FAF1: variants seen among roughly 807,000 people sequenced by gnomAD.
FAF1 encodes Fas associated factor 1, also known as FAS-associated factor 1.
In FAF1, 25 loss-of-function variants were observed where a neutral mutation model predicts 92.5. That is an observed-to-expected ratio of 0.27 (90% CI 0.20 to 0.38). The LOEUF is 0.38. Ranked by LOEUF, FAF1 falls within the 10% of genes least tolerant of loss-of-function variation. The probability of loss-of-function intolerance (pLI) is 1.00; values close to 1 mark genes in which losing one functional copy is unlikely to be tolerated. For synonymous variants in FAF1, 234 were observed against 273.2 expected (o/e 0.86, Z 1.42); for missense variants, 636 against 793.3 (o/e 0.80, Z 2.38).
chr1:50,590,344 T>C (rs193205851), intron 9 of FAF1, among the ~76,000 whole-genome samples: 1 of 152,206 alleles, frequency 6.6e-6, no homozygotes. Context: ...GTAGCTTTCA[T>C]AGTACAAGTC....
At chr1:50,800,663 A>G (rs956349051) in intron 3 of FAF1, among the ~76,000 whole-genome samples, 1 of 152,148 alleles carries the variant, frequency 6.6e-6, no homozygotes, top group African/African-American at 2.4e-5. Context: ...TATCAAACAA[A>G]TTTTGCTTCC....
chr1:50,745,352 TAG>T (rs1442564752), intron 4 of FAF1, among the ~76,000 whole-genome samples: 1 of 152,034 alleles, frequency 6.6e-6, no homozygotes. Context: ...TAATAATATA[TAG>T]GAGACAATTT....
chr1:50,805,427 G>A (rs887594766), intron 2 of FAF1, among the ~76,000 whole-genome samples: 1 of 152,076 alleles, frequency 6.6e-6, no homozygotes, highest in African/African-American at 2.4e-5. Context: ...GGCATGTAAG[G>A]TATGCATAAA....
At chr1:50,885,909 T>A (rs1644658281) in intron 1 of FAF1, among the ~76,000 whole-genome samples, 5 of 152,194 alleles carry the variant, frequency 3.3e-5, no homozygotes, top group Admixed American at 2.6e-4. Flanking sequence ...TATAACCCAT[T>A]ATCTTAAGCG....
chr1:50,802,026 T>C (rs986564282), intron 2 of FAF1, among the ~76,000 whole-genome samples: 1 of 152,136 alleles, frequency 6.6e-6, no homozygotes, highest in Non-Finnish European at 1.5e-5. Context: ...ATTATTTCCT[T>C]TGTCAAACTC....
chr1:50,577,396 G>A (rs1298476163), intron 12 of FAF1, among the ~76,000 whole-genome samples: 4 of 152,114 alleles, frequency 2.6e-5, no homozygotes, highest in Admixed American at 6.5e-5. Flanking sequence ...GTGGTGGCAC[G>A]CACCTGTAGT....
intron 1 of FAF1, among the ~76,000 whole-genome samples, chr1:50,918,649 A>T (rs1644939391): frequency 1.6e-5 from 1 of 62,870 alleles, no homozygotes; most frequent in Non-Finnish European, 3.1e-5. Context: ...GCCGCAATAA[A>T]CATACGTGTG....
chr1:50,783,867 T>C (rs1661269373), intron 4 of FAF1, among the ~76,000 whole-genome samples: 3 of 152,098 alleles, frequency 2.0e-5, no homozygotes, highest in African/African-American at 7.2e-5. Flanking sequence ...AGAGTGAGAC[T>C]CCATCTCAAA....
At chr1:50,787,944 C>T (rs1304222965) in intron 4 of FAF1, 56 bp downstream of exon 4, 3 of 1,473,060 alleles carry the variant, frequency 2.0e-6, no homozygotes, top group East Asian at 4.5e-5. Context: ...AAAATATAAC[C>T]TGAATGTTTA....
chr1:50,647,784 AG>A (rs1285799432), intron 8 of FAF1, among the ~76,000 whole-genome samples: 1 of 152,178 alleles, frequency 6.6e-6, no homozygotes, highest in Non-Finnish European at 1.5e-5. Flanking sequence ...ATAGACATTA[AG>A]TTGCTTGTGG....
At chr1:50,788,440 A>G (rs1022956586) in intron 3 of FAF1, among the ~76,000 whole-genome samples, 1 of 152,170 alleles carries the variant, frequency 6.6e-6, no homozygotes. Flanking sequence ...GTATCATATC[A>G]TTTAGCATTT....
At chr1:50,724,706 A>C (rs1363612652) in intron 6 of FAF1, among the ~76,000 whole-genome samples, 1 of 152,220 alleles carries the variant, frequency 6.6e-6, no homozygotes, top group African/African-American at 2.4e-5. Flanking sequence ...AAATAGAGCC[A>C]ATTAGAATTA....
At chr1:50,504,651 G>A (rs112430490) in intron 15 of FAF1, among the ~76,000 whole-genome samples, 36 of 152,260 alleles carry the variant, frequency 2.4e-4, no homozygotes, top group African/African-American at 8.2e-4. Context: ...GTAACACCCA[G>A]TTTTAAAGAA....
intron 1 of FAF1, among the ~76,000 whole-genome samples, chr1:50,869,714 T>C (rs147091858): frequency 1.3e-5 from 2 of 152,328 alleles, no homozygotes; most frequent in East Asian, 1.9e-4. Context: ...TTTACCTACC[T>C]AGTATAGAGT....
At chr1:50,852,027 A>C (rs1395168617) in intron 2 of FAF1, among the ~76,000 whole-genome samples, 3 of 152,200 alleles carry the variant, frequency 2.0e-5, no homozygotes, top group Non-Finnish European at 4.4e-5. Flanking sequence ...TAGGCTATAT[A>C]ATGAGCTTTC....
intron 13 of FAF1, among the ~76,000 whole-genome samples, chr1:50,548,097 T>G (rs2149044841): frequency 6.6e-6 from 1 of 152,300 alleles, no homozygotes; most frequent in East Asian, 1.9e-4. Context: ...AATTTATGTT[T>G]AATGCCATAT....
At chr1:50,745,058 T>C (rs1273741483) in intron 4 of FAF1, among the ~76,000 whole-genome samples, 14 of 152,106 alleles carry the variant, frequency 9.2e-5, no homozygotes. Context: ...GAGGCCAAGG[T>C]GGGCAGATCA....
chr1:50,679,855 G>A lies in FAF1; in HGVS notation c.658-24327C>T, dbSNP rs144135319. Among the ~76,000 whole-genome samples the A allele has an allele frequency of 2.5e-3, 387 of 152,124 alleles. 1 individual carries two copies. Among genetic ancestry groups the A allele is most frequent in the Non-Finnish European group, 3.8e-3 (258 of 68,000 alleles). On this transcript the variant is annotated intron_variant, in intron 7 of 18. Coordinates refer to ENST00000396153, the MANE Select transcript of FAF1 (RefSeq NM_007051.3). ...CATTTACTTTAGTACAGTCTAAACC[G>A]CACATCTCGGCAACTAAGACATCTA... is the stretch of plus-strand genomic sequence containing the variant.
At chr1:50,676,802 A>G (rs1232587489) in intron 7 of FAF1, among the ~76,000 whole-genome samples, 1 of 152,192 alleles carries the variant, frequency 6.6e-6, no homozygotes, top group African/African-American at 2.4e-5. Flanking sequence ...AGCCTGGGCA[A>G]AAGAGCGAGA....
Sources: gnomAD v4.1 joint callset for allele counts (sites outside exome capture counted in the v4.1 genomes callset) on GRCh38, gnomAD v4.1.1 for gene constraint, MANE v1.5 for transcripts, NCBI Gene and HGNC (gene_info 2026-07-23, HGNC 2026-07-21) for gene names.